The following TRHR variants were observed in gnomAD, a reference collection of about 807,000 sequenced individuals.
The protein encoded by TRHR is thyrotropin releasing hormone receptor.
In TRHR, 14 loss-of-function variants were observed where a neutral mutation model predicts 28.0. The observed-to-expected ratio is 0.50, with a 90% confidence interval of 0.33 to 0.78. The LOEUF is 0.78. Among genes scored for constraint, TRHR ranks in the 30% least tolerant of loss-of-function variants. The pLI is 0.02. For synonymous variants in TRHR, 176 were observed against 171.9 expected (o/e 1.02, Z -0.18); for missense variants, 438 against 469.5 (o/e 0.93, Z 0.62).
intron 2 of TRHR, among the ~76,000 whole-genome samples, chr8:109,107,358 G>A (rs745630950): frequency 9.2e-5 from 14 of 151,862 alleles, no homozygotes; most frequent in East Asian, 1.9e-4. Context: ...TTTATTCTTC[G>A]TACCTCTTTG....
chr8:109,099,146 T>TAA (rs199651752), intron 2 of TRHR, among the ~76,000 whole-genome samples: 12,881 of 152,068 alleles, frequency 0.085, 830 homozygotes, highest in African/African-American at 0.19. Flanking sequence ...AGGGAGAGAT[T>TAA]ACAGAGAGAC....
chr8:109,109,531 C>G (rs1389523078), intron 2 of TRHR, among the ~76,000 whole-genome samples: 1 of 151,516 alleles, frequency 6.6e-6, no homozygotes, highest in African/African-American at 2.4e-5. Flanking sequence ...AATTATCTTT[C>G]TTCCTTTAAT....
intron 2 of TRHR, among the ~76,000 whole-genome samples, chr8:109,117,999 A>G (rs544857700): frequency 7.2e-5 from 11 of 151,886 alleles, no homozygotes; most frequent in Non-Finnish European, 1.3e-4. Flanking sequence ...ACCTCATCCT[A>G]CCTATTGTCT....
Position 109,087,499 on chromosome 8 carries a change from T to A in TRHR, c.-14T>A, listed in dbSNP as rs776949193. On this transcript the variant is annotated 5_prime_UTR_variant, in exon 2 of 3. Coordinates refer to ENST00000518632, the MANE Select transcript of TRHR (RefSeq NM_003301.7). ...GAGAAGTCAGTGTTTCCGAGAAACT[T>A]TAAGCTTCTAAAGATGGAAAACGAG... is the stretch of plus-strand genomic sequence containing the variant. 6.8e-6 allele frequency: 11 copies of A among 1,614,048 alleles called. No homozygotes were observed. The highest frequency in any genetic ancestry group is 9.3e-6 in the Non-Finnish European group (11 of 1,180,004).
intron 2 of TRHR, among the ~76,000 whole-genome samples, chr8:109,111,075 C>T (rs1811824979): frequency 6.6e-6 from 1 of 151,900 alleles, no homozygotes; most frequent in African/African-American, 2.4e-5. Context: ...TCGCTTGAAC[C>T]CAGGAGGCAG....
intron 2 of TRHR, among the ~76,000 whole-genome samples, chr8:109,118,799 GC>G (rs1202912307): frequency 6.6e-6 from 1 of 151,762 alleles, no homozygotes; most frequent in Non-Finnish European, 1.5e-5. Context: ...GCCAGAGTTG[GC>G]TATAGGGGGA....
rs1229210222 is a variant in TRHR at position 109,119,166 on chromosome 8, T to C, written c.908T>C (p.Leu303Pro). The C allele has an allele frequency of 5.6e-6, 9 of 1,612,848 alleles. No homozygotes were observed. The highest frequency in any genetic ancestry group is 7.6e-6 in the Non-Finnish European group (9 of 1,179,224). Reference sequence around the variant, plus strand: ...CCTTTCCAAGAAAATTGGTTTTTGCTCTTTTGCAGAATTTGCATTTATCTC... The same window carrying C: ...CCTTTCCAAGAAAATTGGTTTTTGCCCTTTTGCAGAATTTGCATTTATCTC... ...SSPFQENWFLLFCRICIYLNS... is the reference protein window; with the variant it reads ...SSPFQENWFLPFCRICIYLNS... Residue 303 changes from leucine to proline, a missense_variant, in exon 3 of 3, where the codon CTC (leucine) becomes CCC (proline). Coordinates refer to ENST00000518632, the MANE Select transcript of TRHR (RefSeq NM_003301.7).
chr8:109,088,832 G>A (rs1811481401), intron 2 of TRHR, among the ~76,000 whole-genome samples: 1 of 152,030 alleles, frequency 6.6e-6, no homozygotes, highest in South Asian at 2.1e-4. Flanking sequence ...GTCTTAGTGG[G>A]GAAAGATTCT....
chr8:109,115,660 T>C (rs1811909989), intron 2 of TRHR, among the ~76,000 whole-genome samples: 1 of 152,204 alleles, frequency 6.6e-6, no homozygotes, highest in Admixed American at 6.5e-5. Flanking sequence ...TGATTTTGTA[T>C]CCTGAGACTT....
rs1811682267 is a variant in TRHR at position 109,101,924 on chromosome 8, A to T, written c.789+13623A>T. ...GAGAATGAGATGTAGGGCCTTTGAA[A>T]TAAACAGCGAAGGAATATTCAGAGA... is the stretch of plus-strand genomic sequence containing the variant. On this transcript the variant is annotated intron_variant, in intron 2 of 2. Coordinates refer to ENST00000518632, the MANE Select transcript of TRHR (RefSeq NM_003301.7). Among the ~76,000 whole-genome samples, 2 of 152,160 alleles carry T rather than the reference A, an allele frequency of 1.3e-5. 1 individual carries two copies. The highest frequency in any genetic ancestry group is 4.1e-4 in the South Asian group (2 of 4,828).
intron 2 of TRHR, among the ~76,000 whole-genome samples, chr8:109,090,464 T>G (rs1024985697): frequency 2.0e-5 from 3 of 152,214 alleles, no homozygotes; most frequent in Non-Finnish European, 4.4e-5. Flanking sequence ...GTTGTCACAT[T>G]AACACCACTG....
Position 109,119,706 on chromosome 8 carries a change from C to A in TRHR, c.*251C>A. ...AATGATGGAAACTTAAAGTTTAGCC[C>A]TTTTCATTTAACTTAAGAAATTCAC... On this transcript the variant is annotated 3_prime_UTR_variant, in exon 3 of 3. Coordinates refer to ENST00000518632, the MANE Select transcript of TRHR (RefSeq NM_003301.7). The A allele has an allele frequency of 2.3e-6, 1 of 435,872 alleles. No homozygotes were observed. Among genetic ancestry groups the A allele is most frequent in the Non-Finnish European group, 4.1e-6 (1 of 244,982 alleles). The allele number at this position is 435,872 out of a possible 1,614,324, so 27.0% of individuals were successfully genotyped here.
chr8:109,114,543 T>G (rs1811889135), intron 2 of TRHR, among the ~76,000 whole-genome samples: 1 of 152,082 alleles, frequency 6.6e-6, no homozygotes. Context: ...GACTTTGTAG[T>G]GGTTTCCACA....
intron 2 of TRHR, among the ~76,000 whole-genome samples, chr8:109,116,509 C>A (rs1273168630): frequency 6.6e-6 from 1 of 152,008 alleles, no homozygotes; most frequent in Non-Finnish European, 1.5e-5. Flanking sequence ...AAGGATTCAA[C>A]TTCTTCCTGG....
intron 2 of TRHR, among the ~76,000 whole-genome samples, chr8:109,097,546 A>G (rs1458962400): frequency 6.6e-6 from 1 of 152,176 alleles, no homozygotes; most frequent in Non-Finnish European, 1.5e-5. Flanking sequence ...GTTAAAACAT[A>G]AGGTTAAGCT....
At chr8:109,096,830 A>G (rs1811601411) in intron 2 of TRHR, among the ~76,000 whole-genome samples, 1 of 152,172 alleles carries the variant, frequency 6.6e-6, no homozygotes, top group Non-Finnish European at 1.5e-5. Flanking sequence ...CAAATATAGT[A>G]AATGAAAGTG....
chr8:109,098,836 G>A (rs535407784), intron 2 of TRHR, among the ~76,000 whole-genome samples: 1 of 152,216 alleles, frequency 6.6e-6, no homozygotes, highest in African/African-American at 2.4e-5. Context: ...GGCAGGGTTT[G>A]GTGTTTCTCC....
At chr8:109,091,336 T>C (rs1488474483) in intron 2 of TRHR, among the ~76,000 whole-genome samples, 1 of 152,182 alleles carries the variant, frequency 6.6e-6, no homozygotes, top group Non-Finnish European at 1.5e-5. Context: ...GGTGCCCCGA[T>C]CAGTGGGAAT....
chr8:109,109,995 T>C (rs1811806324), intron 2 of TRHR, among the ~76,000 whole-genome samples: 1 of 152,196 alleles, frequency 6.6e-6, no homozygotes, highest in Non-Finnish European at 1.5e-5. Context: ...CATAGCTTTA[T>C]GTCATCCTGT....
Sources: gnomAD v4.1 joint callset for allele counts (sites outside exome capture counted in the v4.1 genomes callset) on GRCh38, gnomAD v4.1.1 for gene constraint, MANE v1.5 for transcripts, NCBI Gene and HGNC (gene_info 2026-07-23, HGNC 2026-07-21) for gene names.